The following VIT variants were observed in gnomAD, a reference collection of about 807,000 sequenced individuals.
The protein encoded by VIT is vitrin.
VIT carries 99 observed loss-of-function variants against 78.0 expected under a neutral mutation model. The observed-to-expected ratio is 1.27, with a 90% CI of 1.08 to 1.50. VIT has a LOEUF of 1.50. Among genes scored for constraint, VIT ranks in the 40% most tolerant of loss-of-function variants. The pLI is 0.00. For missense variants in VIT, 1,126 were observed against 875.3 expected, an observed-to-expected ratio of 1.29 and a Z score of -3.61; for synonymous variants, 374 against 334.3, an observed-to-expected ratio of 1.12 and a Z score of -1.29.
intron 3 of VIT, among the ~76,000 whole-genome samples, chr2:36,738,083 T>C (rs1407876904): frequency 6.6e-6 from 1 of 152,190 alleles, no homozygotes. Context: ...AATGCACAGA[T>C]GCATGCATGT....
At chr2:36,812,692 C>A (rs1394142655) in intron 15 of VIT, among the ~76,000 whole-genome samples, 3 of 152,102 alleles carry the variant, frequency 2.0e-5, no homozygotes, top group East Asian at 1.9e-4. Flanking sequence ...CCAGTTACCA[C>A]CTACTGACTC....
At chr2:36,780,849 A>G (rs150548537) in intron 9 of VIT, among the ~76,000 whole-genome samples, 480 of 152,204 alleles carry the variant, frequency 3.2e-3, no homozygotes, top group African/African-American at 0.011. Flanking sequence ...CATGGAAAAG[A>G]GAGGAAAGGA....
intron 12 of VIT, among the ~76,000 whole-genome samples, chr2:36,794,737 A>G (rs184100975): frequency 3.5e-4 from 54 of 152,284 alleles, no homozygotes; most frequent in African/African-American, 1.3e-3. Flanking sequence ...AGCAATCAGA[A>G]AGGGTTTCAG....
intron 1 of VIT, among the ~76,000 whole-genome samples, chr2:36,715,392 C>A (rs1666062704): frequency 6.6e-6 from 1 of 152,020 alleles, no homozygotes; most frequent in Non-Finnish European, 1.5e-5. Context: ...CAAAACTCAG[C>A]CAGGCATGGT....
At chr2:36,783,476 TC>T in intron 11 of VIT, 74 bp downstream of exon 11, 1 of 1,451,942 alleles carries the variant, frequency 6.9e-7, no homozygotes, top group African/African-American at 1.4e-5. Flanking sequence ...TCCCACTCAC[TC>T]CCACTCAAAC....
At chr2:36,717,370 G>GTC (rs1553362454) in intron 2 of VIT, among the ~76,000 whole-genome samples, 12 of 145,240 alleles carry the variant, frequency 8.3e-5, no homozygotes, top group African/African-American at 3.1e-4. Flanking sequence ...GTGTGTGTGT[G>GTC]TGTGTGTGTG....
At chr2:36,769,242 T>A (rs1669610394) in intron 7 of VIT, among the ~76,000 whole-genome samples, 1 of 152,240 alleles carries the variant, frequency 6.6e-6, no homozygotes, top group South Asian at 2.1e-4. Context: ...CTTAGAGGAC[T>A]TTAAATTCTT....
At chr2:36,763,010 T>C (rs1669214287) in intron 6 of VIT, among the ~76,000 whole-genome samples, 1 of 152,006 alleles carries the variant, frequency 6.6e-6, no homozygotes, top group Non-Finnish European at 1.5e-5. Context: ...TTGTAGAAGT[T>C]TTTTTAAAAA....
intron 2 of VIT, among the ~76,000 whole-genome samples, chr2:36,721,035 T>A (rs1666476531): frequency 1.3e-5 from 2 of 151,970 alleles, no homozygotes; most frequent in South Asian, 2.1e-4. Context: ...GTACAAACTT[T>A]CAGTTATAAG....
chr2:36,705,782 A>G (rs570535343), intron 1 of VIT, among the ~76,000 whole-genome samples: 1 of 152,348 alleles, frequency 6.6e-6, no homozygotes, highest in African/African-American at 2.4e-5. Flanking sequence ...GTTCTCATAA[A>G]TACATCGAGA....
chr2:36,766,546 T>A (rs1165715486), intron 6 of VIT, among the ~76,000 whole-genome samples: 3 of 151,866 alleles, frequency 2.0e-5, no homozygotes, highest in African/African-American at 7.3e-5. Flanking sequence ...AGAAAAAAAA[T>A]GTAGAATCTG....
intron 15 of VIT, among the ~76,000 whole-genome samples, chr2:36,813,036 CAAAAAAAAAAAA>C (rs113165454): frequency 8.0e-6 from 1 of 125,128 alleles, no homozygotes; most frequent in Non-Finnish European, 1.6e-5. Context: ...TAATTTTTTG[CAAAAAAAAAAAA>C]AAAAAAAATA....
chr2:36,811,931 C>T (rs560183903), intron 15 of VIT, among the ~76,000 whole-genome samples: 32 of 152,280 alleles, frequency 2.1e-4, no homozygotes, highest in Middle Eastern at 3.4e-3. Context: ...CCACCTCAGC[C>T]TCCCGAAGTG....
At chr2:36,801,280 T>A in intron 12 of VIT, 21 bp from the exon 13 acceptor site, 2 of 1,596,986 alleles carry the variant, frequency 1.3e-6, no homozygotes, top group Non-Finnish European at 1.7e-6. Flanking sequence ...CTAATTTGTA[T>A]TTCTTGTTCT....
chr2:36,724,029 T>C (rs1375666232), intron 2 of VIT, among the ~76,000 whole-genome samples: 2 of 151,910 alleles, frequency 1.3e-5, no homozygotes, highest in Non-Finnish European at 2.9e-5. Context: ...GAATTTTTTT[T>C]TTTTTTCCCA....
intron 2 of VIT, among the ~76,000 whole-genome samples, chr2:36,727,811 T>C (rs1666944734): frequency 6.6e-6 from 1 of 152,248 alleles, no homozygotes; most frequent in Non-Finnish European, 1.5e-5. Context: ...TGATGTTGTG[T>C]AAACAAGCCT....
chr2:36,783,547 G>T, intron 11 of VIT, 145 bp downstream of exon 11: 1 of 765,672 alleles, frequency 1.3e-6, no homozygotes, highest in Non-Finnish European at 2.1e-6. Context: ...TGTTCTAAGG[G>T]GAAAGGGAAG....
intron 2 of VIT, among the ~76,000 whole-genome samples, chr2:36,725,171 G>C (rs760255056): frequency 6.6e-6 from 1 of 152,070 alleles, no homozygotes; most frequent in Admixed American, 6.6e-5. Context: ...CTAGGATATG[G>C]TACGTCAATT....
At chr2:36,755,403 T>C (rs1668703642) in intron 5 of VIT, among the ~76,000 whole-genome samples, 2 of 152,180 alleles carry the variant, frequency 1.3e-5, no homozygotes, top group East Asian at 1.9e-4. Flanking sequence ...ACCTTATTCC[T>C]TGAGATTTCT....
Sources: allele counts gnomAD v4.1 joint callset (sites outside exome capture counted in the v4.1 genomes callset), GRCh38; gene constraint gnomAD v4.1.1; transcripts MANE v1.5; gene names NCBI Gene and HGNC (gene_info 2026-07-23, HGNC 2026-07-21).